PCDHA12: variants seen among roughly 807,000 people sequenced by gnomAD.
PCDHA12 encodes the protein protocadherin alpha-12.
PCDHA12 carries 44 observed loss-of-function variants against 60.0 expected under a neutral mutation model. The ratio of observed to expected loss-of-function variants is 0.73; its 90% confidence interval spans 0.58 to 0.94. PCDHA12 has a LOEUF of 0.94. Among genes scored for constraint, PCDHA12 ranks in the 40% least tolerant of loss-of-function variants. The pLI, the probability that PCDHA12 is intolerant of heterozygous loss-of-function variation, is 0.00. For synonymous variants in PCDHA12, 569 were observed against 553.0 expected, an observed-to-expected ratio of 1.03 and a Z score of -0.40; for missense variants, 1,276 against 1,239.7, an observed-to-expected ratio of 1.03 and a Z score of -0.44.
At chr5:140,926,946 A>G in intron 1 of PCDHA12, 1 of 1,590,228 alleles carries the variant, frequency 6.3e-7, no homozygotes. Context: ...GCGGCGCTGC[A>G]GCGGGACAGC....
chr5:140,927,128 A>T (rs2083872958), intron 1 of PCDHA12: 2 of 1,613,878 alleles, frequency 1.2e-6, no homozygotes, highest in Non-Finnish European at 1.7e-6. Context: ...GTGGTCAGAG[A>T]GCCGGCGGAC....
chr5:141,000,421 A>T (rs4912737), intron 3 of PCDHA12, among the ~76,000 whole-genome samples: 2,503 of 28,048 alleles, frequency 0.089, 337 homozygotes, highest in East Asian at 0.098. Flanking sequence ...ATATATATAT[A>T]TTTTTTTTTT....
intron 2 of PCDHA12, among the ~76,000 whole-genome samples, chr5:140,979,370 G>A (rs1247964519): frequency 6.6e-6 from 1 of 150,650 alleles, no homozygotes; most frequent in Non-Finnish European, 1.5e-5. Context: ...TGAGACTTGG[G>A]TACATTGTGC....
chr5:140,989,939 C>T (rs533490284), intron 3 of PCDHA12, among the ~76,000 whole-genome samples: 2 of 152,004 alleles, frequency 1.3e-5, no homozygotes, highest in South Asian at 2.1e-4. Flanking sequence ...TGACATTCCA[C>T]GTTTTTCTCG....
intron 1 of PCDHA12, chr5:140,968,073 A>G: frequency 6.2e-7 from 1 of 1,614,142 alleles, no homozygotes; most frequent in African/African-American, 1.3e-5. Flanking sequence ...GCTGTCTACA[A>G]CATCACGGTG....
Position 140,883,565 on chromosome 5 carries a change from C to T in PCDHA12, c.2367+5726C>T, listed in dbSNP as rs139159217. On this transcript the variant is annotated intron_variant, in intron 1 of 3. Transcript: ENST00000398631. ...GGTGACCGCGCGGGACGGGGGCTCG[C>T]CTTCGCTGTGGGCCACGGCCAGCGT... is the stretch of plus-strand genomic sequence containing the variant. 6.5e-5 allele frequency: 105 copies of T among 1,614,180 alleles called. 1 individual carries two copies. In the African/African-American group the frequency reaches 1.3e-3, roughly 20 times the overall value.
At chr5:140,984,693 A>G (rs1587034361) in intron 3 of PCDHA12, among the ~76,000 whole-genome samples, 1 of 152,264 alleles carries the variant, frequency 6.6e-6, no homozygotes, top group East Asian at 1.9e-4. Flanking sequence ...TATGTTCTGC[A>G]CTGCTTGGAG....
At chr5:140,922,565 C>G (rs1334011438) in intron 1 of PCDHA12, among the ~76,000 whole-genome samples, 1 of 152,150 alleles carries the variant, frequency 6.6e-6, no homozygotes, top group Non-Finnish European at 1.5e-5. Context: ...GTCAGGATGA[C>G]AAGTTGCCCT....
At chr5:140,927,494 T>C (rs1235909927) in intron 1 of PCDHA12, 5 of 1,614,018 alleles carry the variant, frequency 3.1e-6, no homozygotes, top group Non-Finnish European at 4.2e-6. Context: ...ACCCACCTGC[T>C]GGTGCTTACA....
chr5:140,890,499 TTA>T (rs1320014650), intron 1 of PCDHA12, among the ~76,000 whole-genome samples: 1 of 152,222 alleles, frequency 6.6e-6, no homozygotes, highest in Non-Finnish European at 1.5e-5. Flanking sequence ...CTCACCATTT[TTA>T]TGTCTCTATT....
Position 140,877,601 on chromosome 5 carries a change from T to A in PCDHA12, c.2129T>A (p.Leu710Gln), listed in dbSNP as rs2057236715. 1 of 1,613,744 alleles carries A rather than the reference T, an allele frequency of 6.2e-7. No homozygotes were observed. Among genetic ancestry groups the A allele is most frequent in the Non-Finnish European group, 8.5e-7 (1 of 1,179,908 alleles). The part of the protein sequence containing the change: ...LIIAICAVSS[L>Q]LVLTLLLYTA... ...ATCGCCATCTGTGCGGTGTCCAGCCTGCTGGTGCTCACGCTGCTGCTGTAC... is the reference window on the plus strand; with the variant it reads ...ATCGCCATCTGTGCGGTGTCCAGCCAGCTGGTGCTCACGCTGCTGCTGTAC... Residue 710 changes from leucine to glutamine, a missense_variant, in exon 1 of 4, where the codon CTG becomes CAG. By Grantham distance (113) the Leu-to-Gln change is moderately radical. Transcript: ENST00000398631.
intron 1 of PCDHA12, among the ~76,000 whole-genome samples, chr5:140,941,211 C>CT (rs59928198): frequency 0.24 from 30,589 of 127,372 alleles, 3,669 homozygotes; most frequent in South Asian, 0.38. Context: ...TCCTTTCTTT[C>CT]TTCCTTTCTT....
intron 1 of PCDHA12, among the ~76,000 whole-genome samples, chr5:140,912,376 G>A (rs2075897019): frequency 6.6e-6 from 1 of 151,474 alleles, no homozygotes; most frequent in African/African-American, 2.4e-5. Context: ...TTGTAAAAGG[G>A]ATTGAGTTCT....
intron 1 of PCDHA12, 22 bp from the exon 2 acceptor site, chr5:140,978,924 GAAA>G (rs781894146): frequency 6.2e-7 from 1 of 1,614,012 alleles, no homozygotes; most frequent in East Asian, 2.2e-5. Flanking sequence ...CATTTTAACA[GAAA>G]ACTCTCTTTG....
intron 1 of PCDHA12, chr5:140,883,651 G>A (rs782597421): frequency 1.9e-6 from 3 of 1,613,652 alleles, no homozygotes; most frequent in Middle Eastern, 1.7e-4. Flanking sequence ...CCGAGTACAC[G>A]GTGTTCGTGA....
At chr5:140,891,432 C>T (rs183679) in intron 1 of PCDHA12, among the ~76,000 whole-genome samples, 69,006 of 149,136 alleles carry the variant, frequency 0.46, 16,159 homozygotes, top group South Asian at 0.58. Context: ...AAGTCCCCAA[C>T]GTCCATTGTA....
At position 141,009,798 on chromosome 5, in the gene PCDHA12, A is replaced by T; in HGVS notation, c.2687A>T (p.Asn896Ile). 1 of 1,614,116 alleles carries T rather than the reference A, an allele frequency of 6.2e-7. No individual in the cohort carries two copies. The highest frequency in any genetic ancestry group is 2.2e-5 in the East Asian group (1 of 44,868). Residue 896 changes from asparagine (N) to isoleucine (I), a missense_variant, in exon 4 of 4, where the codon AAC (asparagine) becomes ATC (isoleucine). Asn to Ile is a moderately radical substitution (Grantham distance 149). Coordinates refer to ENST00000398631, the MANE Select transcript of PCDHA12 (RefSeq NM_018903.4). The stretch of plus-strand genomic sequence containing the variant: ...ATCTCCATCCGGCAGGAGCCTACTA[A>T]CAGCCAAATTGACAAAAGTGACTTC... Reference protein sequence around the residue: ...AIISIRQEPTNSQIDKSDFIT... With the variant: ...AIISIRQEPTISQIDKSDFIT...
At chr5:140,989,041 A>G (rs531223216) in intron 3 of PCDHA12, 1 of 152,340 alleles carries the variant, frequency 6.6e-6, no homozygotes, top group Admixed American at 6.5e-5. Flanking sequence ...GATTCCTTTA[A>G]TATGCCAGCT....
chr5:140,972,766 T>G (rs2096555102), intron 1 of PCDHA12, among the ~76,000 whole-genome samples: 1 of 149,250 alleles, frequency 6.7e-6, no homozygotes, highest in African/African-American at 2.5e-5. Flanking sequence ...CAAGTTAAAG[T>G]GATTCTTCTG....
Sources: allele counts gnomAD v4.1 joint callset (sites outside exome capture counted in the v4.1 genomes callset), GRCh38; gene constraint gnomAD v4.1.1; transcripts MANE v1.5; gene names NCBI Gene and HGNC (gene_info 2026-07-23, HGNC 2026-07-21).